The following TNFSF8 variants were observed in gnomAD, a reference collection of about 807,000 sequenced individuals.
TNFSF8 encodes TNF superfamily member 8.
TNFSF8 carries 4 observed loss-of-function variants against 22.0 expected under a neutral mutation model. The observed-to-expected ratio is 0.18, with a 90% CI of 0.09 to 0.42. TNFSF8 has a LOEUF of 0.42. TNFSF8 is among the 10% of genes least tolerant of loss of function. TNFSF8 has a pLI of 1.00. For missense variants in TNFSF8, 233 were observed against 281.8 expected (o/e 0.83, Z 1.24); for synonymous variants, 106 against 112.5 (o/e 0.94, Z 0.37).
At chr9:114,912,865 C>A (rs954203647) in intron 2 of TNFSF8, among the ~76,000 whole-genome samples, 1 of 152,194 alleles carries the variant, frequency 6.6e-6, no homozygotes, top group African/African-American at 2.4e-5. Flanking sequence ...TTCTTTAATG[C>A]CATTTTCTTT....
At position 114,901,149 on chromosome 9, in the gene TNFSF8, C is replaced by T; in HGVS notation, c.*2782G>A. On this transcript the variant is annotated 3_prime_UTR_variant, in exon 4 of 4. Coordinates refer to ENST00000223795, the MANE Select transcript of TNFSF8 (RefSeq NM_001244.4). ...ATATGTTTTAGGTAGCCTGAGTTCCCAGTTAGATAAATTATTTATTTTACT... is the reference window on the plus strand; with the variant it reads ...ATATGTTTTAGGTAGCCTGAGTTCCTAGTTAGATAAATTATTTATTTTACT... 1.0e-6 allele frequency: 1 copy of T among 985,202 alleles called. No individual in the cohort carries two copies. The highest frequency in any genetic ancestry group is 1.2e-6 in the Non-Finnish European group (1 of 829,870). 61.0% of individuals were successfully genotyped at this position (985,202 alleles called of 1,614,324 possible). A position where few individuals can be genotyped will look rare whatever the true frequency, so the allele number is the denominator to read the frequency against.
chr9:114,908,932 C>T (rs1827819527), intron 2 of TNFSF8, among the ~76,000 whole-genome samples: 1 of 152,130 alleles, frequency 6.6e-6, no homozygotes, highest in Non-Finnish European at 1.5e-5. Flanking sequence ...CCGTGGGGCC[C>T]AAGCACTAAA....
rs188683731 is a variant in TNFSF8, at chr9:114,916,025, C to T, written c.238+2071G>A. ...TGTGAAAAGTTTGGACTTTATAGAC[C>T]CAGGAAATTTCTCCCCAGAATGAAA... On this transcript the variant is annotated intron_variant, in intron 2 of 3. Coordinates refer to ENST00000223795, the MANE Select transcript of TNFSF8 (RefSeq NM_001244.4). 3.3e-5 allele frequency among the ~76,000 whole-genome samples: 5 copies of T among 152,068 alleles called. No homozygotes were observed. In the East Asian group the frequency reaches 7.7e-4, roughly 24 times the overall value.
intron 3 of TNFSF8, among the ~76,000 whole-genome samples, chr9:114,905,079 G>A (rs572272009): frequency 3.3e-5 from 5 of 152,302 alleles, no homozygotes; most frequent in African/African-American, 1.2e-4. Context: ...GTCCTAACAC[G>A]TGAAAATTAG....
Position 114,902,074 on chromosome 9 carries a change from C to T in TNFSF8, c.*1857G>A, listed in dbSNP as rs2131339934. On this transcript the variant is annotated 3_prime_UTR_variant, in exon 4 of 4. Transcript: ENST00000223795. ...TCCATCTTTTTTTACTGAAGCATAA[C>T]ATCAGGGCCTACATTCCATCTCAAA... 1.0e-6 allele frequency: 1 copy of T among 985,366 alleles called. No homozygotes were observed. Among genetic ancestry groups the T allele is most frequent in the Non-Finnish European group, 1.2e-6 (1 of 829,926 alleles). The allele number at this position is 985,366 out of a possible 1,614,324, so 61.0% of individuals were successfully genotyped here.
chr9:114,897,287 G>A (rs1354252369), downstream of TNFSF8, among the ~76,000 whole-genome samples: 1 of 97,838 alleles, frequency 1.0e-5, no homozygotes, highest in African/African-American at 6.8e-5. Context: ...TTTTGTTTTG[G>A]TATGGCTTGA....
At chr9:114,914,123 T>C (rs1389460354) in intron 2 of TNFSF8, among the ~76,000 whole-genome samples, 1 of 151,968 alleles carries the variant, frequency 6.6e-6, no homozygotes, top group Non-Finnish European at 1.5e-5. Context: ...GGAGGGGAAA[T>C]GGGAGAAGGA....
chr9:114,929,484 C>T (rs574215667), intron 1 of TNFSF8, among the ~76,000 whole-genome samples: 6 of 151,414 alleles, frequency 4.0e-5, no homozygotes, highest in East Asian at 1.9e-4. Flanking sequence ...TCTTCTCTTT[C>T]GCCTCCTTTC....
At chr9:114,915,105 C>G (rs756730960) in intron 2 of TNFSF8, among the ~76,000 whole-genome samples, 2 of 152,144 alleles carry the variant, frequency 1.3e-5, no homozygotes, top group African/African-American at 4.8e-5. Context: ...GAAGCTTCCT[C>G]CCAAGAGTAC....
chr9:114,930,167 A>G lies in TNFSF8; in HGVS notation c.137T>C (p.Leu46Pro). ...CACCGTGAAGACAAGGCACAGAGCCAGAGTGGCTGTGGTCAAATAGAAATA... is the reference window on the plus strand; with the variant it reads ...CACCGTGAAGACAAGGCACAGAGCCGGAGTGGCTGTGGTCAAATAGAAATA... ...RSYFYLTTAT[L>P]ALCLVFTVAT... Residue 46 changes from leucine (L) to proline (P), a missense_variant, in exon 1 of 4, where the codon CTG becomes CCG. Physicochemically the swap from Leu to Pro is moderately conservative, Grantham distance 98 (BLOSUM62 -3). Transcript: ENST00000223795. 1 of 1,602,978 alleles carries G rather than the reference A, an allele frequency of 6.2e-7. No homozygotes were observed. Among genetic ancestry groups the G allele is most frequent in the Non-Finnish European group, 8.5e-7 (1 of 1,174,610 alleles).
chr9:114,922,266 C>A (rs1369414314), intron 1 of TNFSF8, among the ~76,000 whole-genome samples: 1 of 152,224 alleles, frequency 6.6e-6, no homozygotes, highest in Non-Finnish European at 1.5e-5. Flanking sequence ...ACAAAATGCC[C>A]CCGTGGACCA....
chr9:114,895,108 G>C (rs571154928), intron 4 of TNFSF8, among the ~76,000 whole-genome samples: 1 of 152,204 alleles, frequency 6.6e-6, no homozygotes, highest in Admixed American at 6.5e-5. Context: ...GAGCCTCCTG[G>C]TTGTGAAGGA....
intron 2 of TNFSF8, among the ~76,000 whole-genome samples, chr9:114,907,756 A>T (rs919071421): frequency 2.0e-5 from 3 of 152,150 alleles, no homozygotes; most frequent in Non-Finnish European, 4.4e-5. Flanking sequence ...TTTTCCAGGT[A>T]CTCTGCTAAG....
chr9:114,925,489 C>T (rs570734248), intron 1 of TNFSF8, among the ~76,000 whole-genome samples: 10 of 152,204 alleles, frequency 6.6e-5, no homozygotes, highest in East Asian at 3.9e-4. Context: ...CCCATTCAGA[C>T]GTGTCTGCCA....
Position 114,902,573 on chromosome 9 carries a change from T to C in TNFSF8, c.*1358A>G, listed in dbSNP as rs1222726623. ...TCTTTCCATTACATCCTTGAGATCC[T>C]GCTGTTCACACCATTCAGCAGGGCA... On this transcript the variant is annotated 3_prime_UTR_variant, in exon 4 of 4. Coordinates refer to ENST00000223795, the MANE Select transcript of TNFSF8 (RefSeq NM_001244.4). The C allele has an allele frequency of 6.1e-6, 6 of 985,442 alleles. No individual in the cohort carries two copies. Among genetic ancestry groups the C allele is most frequent in the Non-Finnish European group, 7.2e-6 (6 of 829,936 alleles). The allele number at this position is 985,442 out of a possible 1,614,324, so 61.0% of individuals were successfully genotyped here. A position where few individuals can be genotyped will look rare whatever the true frequency, so the allele number is the denominator to read the frequency against.
chr9:114,922,770 G>A (rs548777784), intron 1 of TNFSF8, among the ~76,000 whole-genome samples: 31 of 152,316 alleles, frequency 2.0e-4, no homozygotes, highest in African/African-American at 7.2e-4. Context: ...GCCAAAGTGA[G>A]AAGTGGACCA....
chr9:114,925,767 G>A (rs1828049719), intron 1 of TNFSF8, among the ~76,000 whole-genome samples: 1 of 152,000 alleles, frequency 6.6e-6, no homozygotes, highest in African/African-American at 2.4e-5. Flanking sequence ...AAAGCCTACC[G>A]ATTGTGAACC....
chr9:114,930,415 T>C lies in TNFSF8; in HGVS notation c.-112A>G. On this transcript the variant is annotated 5_prime_UTR_variant, in exon 1 of 4. Transcript: ENST00000223795. ...CCCCTGAATCCTGAATCATGTGACTTGGAAAAAAACCTTCACCTGCTGCCT... is the reference window on the plus strand; with the variant it reads ...CCCCTGAATCCTGAATCATGTGACTCGGAAAAAAACCTTCACCTGCTGCCT... 1.0e-6 allele frequency: 1 copy of C among 954,464 alleles called. No individual in the cohort carries two copies. The highest frequency in any genetic ancestry group is 1.4e-6 in the Non-Finnish European group (1 of 706,906). The allele number at this position is 954,464 out of a possible 1,614,324, so 59.1% of individuals were successfully genotyped here.
In TNFSF8 at chr9:114,902,514, G is replaced by A; in HGVS notation, c.*1417C>T. The A allele has an allele frequency of 1.0e-6, 1 of 985,360 alleles. No individual in the cohort carries two copies. The highest frequency in any genetic ancestry group is 1.2e-6 in the Non-Finnish European group (1 of 829,918). 61.0% of individuals were successfully genotyped at this position (985,360 alleles called of 1,614,324 possible). On this transcript the variant is annotated 3_prime_UTR_variant, in exon 4 of 4. Transcript: ENST00000223795. ...CAGATGGTTTCCCAAACACCCAGAT[G>A]GTCTCTTAGATTCTGGATGGTCAGT...
Sources: allele counts gnomAD v4.1 joint callset (sites outside exome capture counted in the v4.1 genomes callset), GRCh38; gene constraint gnomAD v4.1.1; transcripts MANE v1.5; gene names NCBI Gene and HGNC (gene_info 2026-07-23, HGNC 2026-07-21).